ATP6V0A4: variants seen among roughly 807,000 people sequenced by gnomAD.
ATP6V0A4 encodes V-type proton ATPase 116 kDa subunit a 4.
In ATP6V0A4, 86 loss-of-function variants were observed where a neutral mutation model predicts 107.3. The observed-to-expected ratio is 0.80, with a 90% confidence interval of 0.67 to 0.96. The LOEUF (loss-of-function observed/expected upper bound fraction) is 0.96. Ranked by LOEUF, ATP6V0A4 falls within the 40% of genes least tolerant of loss-of-function variation. ATP6V0A4 has a pLI of 0.00. For synonymous variants in ATP6V0A4, 353 were observed against 381.4 expected (o/e 0.93, Z 0.87); for missense variants, 908 against 1,045.6 (o/e 0.87, Z 1.81).
chr7:138,713,880 T>C (rs945704954), intron 20 of ATP6V0A4, among the ~76,000 whole-genome samples: 1 of 150,614 alleles, frequency 6.6e-6, no homozygotes, highest in Non-Finnish European at 1.5e-5. Context: ...GCAGGAGGAC[T>C]GTTTGAGCCC....
chr7:138,778,828 G>T (rs1200787670), intron 2 of ATP6V0A4, among the ~76,000 whole-genome samples: 1 of 152,062 alleles, frequency 6.6e-6, no homozygotes, highest in Admixed American at 6.6e-5. Context: ...CCTGTTGGGG[G>T]TGTCAGAAGA....
chr7:138,794,183 G>A (rs1035184934), intron 1 of ATP6V0A4, among the ~76,000 whole-genome samples: 2 of 152,102 alleles, frequency 1.3e-5, no homozygotes, highest in Admixed American at 1.3e-4. Context: ...AACAGATCCT[G>A]ACAGAGCCAG....
At chr7:138,755,526 G>A (rs1202712437) in intron 10 of ATP6V0A4, among the ~76,000 whole-genome samples, 163 bp downstream of exon 10, 2 of 152,186 alleles carry the variant, frequency 1.3e-5, no homozygotes, top group Admixed American at 1.3e-4. Context: ...TTATCGAACA[G>A]TTTCCCAATT....
chr7:138,797,041 A>G (rs3823495), intron 1 of ATP6V0A4, among the ~76,000 whole-genome samples: 18,789 of 151,746 alleles, frequency 0.12, 1,745 homozygotes, highest in African/African-American at 0.27. Context: ...CCCACCTCAC[A>G]TGCCTTGGCT....
intron 1 of ATP6V0A4, among the ~76,000 whole-genome samples, chr7:138,794,205 G>T (rs1401214305): frequency 6.6e-6 from 1 of 152,136 alleles, no homozygotes; most frequent in Non-Finnish European, 1.5e-5. Flanking sequence ...AGCAAGAAGA[G>T]CCATCAACCC....
chr7:138,749,392 T>C (rs1806119963), intron 11 of ATP6V0A4, 75 bp from the exon 12 acceptor site: 1 of 1,556,246 alleles, frequency 6.4e-7, no homozygotes, highest in Admixed American at 1.8e-5. Flanking sequence ...AAGGTCACAG[T>C]CCCAGCTCCT....
intron 18 of ATP6V0A4, among the ~76,000 whole-genome samples, chr7:138,727,639 G>C (rs1804785690): frequency 6.6e-6 from 1 of 152,204 alleles, no homozygotes; most frequent in Non-Finnish European, 1.5e-5. Context: ...TCTGCTGCCT[G>C]TCCAGGTCAA....
intron 10 of ATP6V0A4, among the ~76,000 whole-genome samples, chr7:138,755,244 G>A (rs888943138): frequency 2.0e-5 from 3 of 152,222 alleles, no homozygotes; most frequent in African/African-American, 7.2e-5. Context: ...TGGGATGAAT[G>A]AATGTTCACA....
intron 19 of ATP6V0A4, among the ~76,000 whole-genome samples, chr7:138,716,856 G>A (rs1804067575): frequency 6.6e-6 from 1 of 152,182 alleles, no homozygotes; most frequent in Admixed American, 6.6e-5. Flanking sequence ...GAGCCACTGT[G>A]CCTGGCCATG....
intron 15 of ATP6V0A4, among the ~76,000 whole-genome samples, chr7:138,736,541 T>C (rs1306959799): frequency 6.6e-6 from 1 of 152,102 alleles, no homozygotes; most frequent in African/African-American, 2.4e-5. Context: ...TGCCAAGCAA[T>C]CCTAGGAGTT....
chr7:138,747,369 T>A (rs1393505965), intron 13 of ATP6V0A4, 56 bp downstream of exon 13: 1 of 1,576,378 alleles, frequency 6.3e-7, no homozygotes, highest in Non-Finnish European at 8.7e-7. Context: ...GAAAACCACA[T>A]ACAGATTTTC....
chr7:138,771,400 C>CAT, intron 2 of ATP6V0A4, 136 bp from the exon 3 acceptor site: 1 of 660,980 alleles, frequency 1.5e-6, no homozygotes, highest in Non-Finnish European at 2.3e-6. Context: ...TTTTAGGAGA[C>CAT]TTTTTTTTTT....
At chr7:138,744,998 T>G (rs1044978022) in intron 14 of ATP6V0A4, 125 bp downstream of exon 14, 3 of 904,600 alleles carry the variant, frequency 3.3e-6, no homozygotes, top group Admixed American at 1.8e-5. Flanking sequence ...CCACTGAGCC[T>G]GGCCTATTTG....
In ATP6V0A4 at chr7:138,709,687, G is replaced by A; in HGVS notation, c.2366C>T (p.Thr789Ile). Residue 789 changes from threonine to isoleucine, a missense_variant, in exon 21 of 22, where the codon ACA becomes ATA. Physicochemically the swap from Thr to Ile is moderately conservative, Grantham distance 89. Coordinates refer to ENST00000310018, the MANE Select transcript of ATP6V0A4 (RefSeq NM_020632.3). ...CTCCATGATCAGAAGGATGGCTACTGTCAGGACAGCAAATACGGCAAAAAT... is the reference window on the plus strand; with the variant it reads ...CTCCATGATCAGAAGGATGGCTACTATCAGGACAGCAAATACGGCAAAAAT... Reference protein sequence around the residue: ...FIIFAVFAVLTVAILLIMEGL... With the variant: ...FIIFAVFAVLIVAILLIMEGL... 1 of 1,613,782 alleles carries A rather than the reference G, an allele frequency of 6.2e-7. No individual in the cohort carries two copies.
At chr7:138,761,137 T>C (rs1412576861) in intron 7 of ATP6V0A4, among the ~76,000 whole-genome samples, 1 of 152,068 alleles carries the variant, frequency 6.6e-6, no homozygotes, top group Admixed American at 6.6e-5. Flanking sequence ...CATTTAAAAA[T>C]GTATCCCGGG....
At chr7:138,753,486 C>T (rs1374197458) in intron 10 of ATP6V0A4, among the ~76,000 whole-genome samples, 1 of 152,182 alleles carries the variant, frequency 6.6e-6, no homozygotes, top group South Asian at 2.1e-4. Context: ...TAATTTGTTA[C>T]AGCAACCCTA....
At chr7:138,794,505 A>T (rs779409021) in intron 1 of ATP6V0A4, among the ~76,000 whole-genome samples, 1 of 152,188 alleles carries the variant, frequency 6.6e-6, no homozygotes, top group Non-Finnish European at 1.5e-5. Flanking sequence ...AAATCTTATC[A>T]GGGATAACAG....
intron 11 of ATP6V0A4, among the ~76,000 whole-genome samples, chr7:138,751,454 C>T (rs1255436926): frequency 6.6e-6 from 1 of 151,726 alleles, no homozygotes; most frequent in Non-Finnish European, 1.5e-5. Flanking sequence ...GGAGGGGGTC[C>T]CTCCTTCAAT....
intron 2 of ATP6V0A4, among the ~76,000 whole-genome samples, chr7:138,778,262 GC>G (rs1807759360): frequency 6.6e-6 from 1 of 151,948 alleles, no homozygotes; most frequent in African/African-American, 2.4e-5. Flanking sequence ...TGTAGTCCCA[GC>G]TACACAAGAG....
Sources: allele counts gnomAD v4.1 joint callset (sites outside exome capture counted in the v4.1 genomes callset), GRCh38; gene constraint gnomAD v4.1.1; transcripts MANE v1.5; gene names NCBI Gene and HGNC (gene_info 2026-07-23, HGNC 2026-07-21).